UTRN: variants seen among roughly 807,000 people sequenced by gnomAD.
UTRN encodes the protein dystrophin-related protein 1.
UTRN carries 283 observed loss-of-function variants against 463.9 expected under a neutral mutation model. That is an observed-to-expected ratio of 0.61 (90% CI 0.55 to 0.67). The LOEUF (loss-of-function observed/expected upper bound fraction) is 0.67, where lower values mean the gene tolerates loss of function less well. UTRN is among the 30% of genes least tolerant of loss of function. The pLI, the probability that UTRN is intolerant of heterozygous loss-of-function variation, is 0.00. For synonymous variants in UTRN, 1,442 were observed against 1,431.5 expected (o/e 1.01, Z -0.17); for missense variants, 3,922 against 4,084.3 (o/e 0.96, Z 1.08).
At chr6:144,695,279 T>G (rs1329664423) in intron 52 of UTRN, among the ~76,000 whole-genome samples, 1 of 152,166 alleles carries the variant, frequency 6.6e-6, no homozygotes, top group East Asian at 1.9e-4. Context: ...TAATAATATG[T>G]GGCTCAATAC....
intron 2 of UTRN, among the ~76,000 whole-genome samples, chr6:144,317,391 G>GAT (rs758725861): frequency 7.2e-5 from 11 of 152,042 alleles, no homozygotes; most frequent in South Asian, 2.1e-4. Context: ...ATTCCAATCT[G>GAT]ATATATATAT....
intron 19 of UTRN, among the ~76,000 whole-genome samples, chr6:144,456,925 T>G (rs1461301357): frequency 1.3e-5 from 2 of 152,046 alleles, no homozygotes; most frequent in Non-Finnish European, 2.9e-5. Context: ...ATTCCAATAG[T>G]GATAGACTGA....
chr6:144,849,351 G>A (rs966184933), intron 74 of UTRN, among the ~76,000 whole-genome samples: 6 of 152,134 alleles, frequency 3.9e-5, no homozygotes, highest in Admixed American at 2.6e-4. Flanking sequence ...ATGAGGCTGT[G>A]AGTGACAAAG....
At chr6:144,604,511 GGT>G (rs1804612904) in intron 51 of UTRN, among the ~76,000 whole-genome samples, 1 of 152,078 alleles carries the variant, frequency 6.6e-6, no homozygotes, top group Non-Finnish European at 1.5e-5. Flanking sequence ...TTCAGCTAAT[GGT>G]GTGTTCTTTC....
intron 2 of UTRN, among the ~76,000 whole-genome samples, chr6:144,334,412 G>T (rs1292061667): frequency 1.3e-5 from 2 of 151,244 alleles, no homozygotes; most frequent in African/African-American, 4.9e-5. Context: ...TATGATTTTA[G>T]CGCCCCCGGG....
rs1358184156 is a variant in UTRN at position 144,435,957 on chromosome 6, A to T, written c.878A>T (p.His293Leu). 6 of 1,613,986 alleles carry T rather than the reference A, an allele frequency of 3.7e-6. No individual in the cohort carries two copies. Among genetic ancestry groups the T allele is most frequent in the South Asian group, 1.1e-5 (1 of 91,078 alleles). Residue 293 changes from histidine (H) to leucine (L), a missense_variant, in exon 10 of 75, where the codon CAT (histidine) becomes CTT (leucine). His to Leu is a moderately conservative substitution (Grantham distance 99, BLOSUM62 -3). Coordinates refer to ENST00000367545, the MANE Select transcript of UTRN (RefSeq NM_007124.3). Reference sequence around the variant, plus strand: ...CAGAGTACAGCGCCTGAGGAGGAGCATGAGAGTCCCCGAGCTGAAACTCCC... The same window carrying T: ...CAGAGTACAGCGCCTGAGGAGGAGCTTGAGAGTCCCCGAGCTGAAACTCCC... ...NIQSTAPEEE[H>L]ESPRAETPST... is the part of the protein sequence containing the mutation.
At position 144,808,512 on chromosome 6, in the gene UTRN, T is replaced by C. The variant is rs184850109; in HGVS notation, c.9357+5365T>C. On this transcript the variant is annotated intron_variant, in intron 65 of 74. Coordinates refer to ENST00000367545, the MANE Select transcript of UTRN (RefSeq NM_007124.3). ...AACATTTTCATATGTTGTTAGAGCA[T>C]ATAAAAGATAGTGTGTGGTTTTGTT... Among the ~76,000 whole-genome samples the C allele has an allele frequency of 5.3e-5, 8 of 152,250 alleles. No homozygotes were observed. In the East Asian group the frequency reaches 1.5e-3, roughly 29 times the overall value.
intron 2 of UTRN, among the ~76,000 whole-genome samples, chr6:144,392,943 A>G (rs1047303604): frequency 2.6e-5 from 4 of 152,062 alleles, no homozygotes; most frequent in Admixed American, 1.3e-4. Context: ...ATCCTTTACA[A>G]ATTTTTTAAA....
At chr6:144,567,073 G>A (rs1230156962) in intron 50 of UTRN, among the ~76,000 whole-genome samples, 1 of 152,168 alleles carries the variant, frequency 6.6e-6, no homozygotes, top group Non-Finnish European at 1.5e-5. Flanking sequence ...ATTGAGCCTA[G>A]GAGGTGGAGA....
At chr6:144,293,668 A>G (rs1009744202) in intron 2 of UTRN, among the ~76,000 whole-genome samples, 2 of 152,132 alleles carry the variant, frequency 1.3e-5, no homozygotes, top group East Asian at 3.8e-4. Context: ...TTATTTCCCA[A>G]AGTATTTCGA....
chr6:144,681,409 A>T (rs1322140126), intron 52 of UTRN, among the ~76,000 whole-genome samples: 1 of 152,148 alleles, frequency 6.6e-6, no homozygotes, highest in Admixed American at 6.6e-5. Flanking sequence ...CTGAAGAGGG[A>T]TGAGATCCAG....
At chr6:144,763,026 A>G (rs763759449) in intron 58 of UTRN, among the ~76,000 whole-genome samples, 2 of 152,190 alleles carry the variant, frequency 1.3e-5, no homozygotes, top group East Asian at 3.9e-4. Context: ...TAACAATTCT[A>G]TAGCTCAGTT....
intron 46 of UTRN, 97 bp downstream of exon 46, chr6:144,542,967 G>A (rs1233236589): frequency 1.1e-5 from 11 of 1,003,336 alleles, no homozygotes; most frequent in Admixed American, 5.3e-5. Context: ...ACTTAGAAAC[G>A]TCGTGCCATT....
intron 51 of UTRN, among the ~76,000 whole-genome samples, chr6:144,637,879 T>A (rs987328719): frequency 2.6e-5 from 4 of 152,174 alleles, no homozygotes; most frequent in South Asian, 4.1e-4. Context: ...TCTGAATTTT[T>A]AAAAAAATCT....
chr6:144,383,813 T>C (rs1015121076), intron 2 of UTRN, among the ~76,000 whole-genome samples: 1 of 152,210 alleles, frequency 6.6e-6, no homozygotes, highest in South Asian at 2.1e-4. Flanking sequence ...TCTAGAGGCA[T>C]GATCAGAGTG....
At chr6:144,678,654 G>C in intron 52 of UTRN, 76 bp downstream of exon 52, 1 of 1,343,482 alleles carries the variant, frequency 7.4e-7, no homozygotes, top group Non-Finnish European at 1.0e-6. Context: ...ATATCAGAAA[G>C]AGAAAGCGCA....
chr6:144,577,154 C>T lies in UTRN; in HGVS notation c.7345C>T (p.Arg2449Cys), dbSNP rs749768508. The change falls in exon 51 of 75, where the codon CGC (arginine) becomes TGC (cysteine). Residue 2449 changes from arginine (R) to cysteine (C), a missense_variant. By Grantham distance (180) the Arg-to-Cys change is radical. Coordinates refer to ENST00000367545, the MANE Select transcript of UTRN (RefSeq NM_007124.3). Reference protein sequence around the residue: ...EAEWRTVQASRRDLENFLKWI... With the variant: ...EAEWRTVQASCRDLENFLKWI... ...TGAGTGGAGGACGGTGCAGGCCTCT[C>T]GCAGAGATCTGGAAAACTTCCTGAA... is the stretch of plus-strand genomic sequence containing the variant. The T allele has an allele frequency of 8.9e-5, 143 of 1,613,784 alleles. No individual in the cohort carries two copies. The highest frequency in any genetic ancestry group is 2.0e-4 in the Admixed American group (12 of 59,984).
Position 144,462,788 on chromosome 6 carries a change from G to A in UTRN, c.2988G>A (p.Lys996=), listed in dbSNP as rs1789555048. ...YKQEFDDVQG[K]WNKLKVLVSK... is the part of the protein sequence containing the mutation. ...AAGAATTTGATGATGTGCAAGGAAA[G>A]TGGAACAAGCTAAAGGTCTTGGTTT... The change falls in exon 23 of 75, where the codon AAG becomes AAA. Residue 996 remains lysine, a synonymous_variant. Transcript: ENST00000367545. 1.2e-6 allele frequency: 2 copies of A among 1,612,040 alleles called. No homozygotes were observed.
chr6:144,773,612 G>C (rs1363207985), intron 59 of UTRN, among the ~76,000 whole-genome samples: 1 of 152,210 alleles, frequency 6.6e-6, no homozygotes. Flanking sequence ...ACAGGGAAAA[G>C]TGTCTGTTTT....
Sources: gnomAD v4.1 joint callset for allele counts (sites outside exome capture counted in the v4.1 genomes callset) on GRCh38, gnomAD v4.1.1 for gene constraint, MANE v1.5 for transcripts, NCBI Gene and HGNC (gene_info 2026-07-23, HGNC 2026-07-21) for gene names.